The following MAP2K5 variants were observed in gnomAD, a reference collection of about 807,000 sequenced individuals.
The protein encoded by MAP2K5 is dual specificity mitogen-activated protein kinase kinase 5.
Under a neutral mutation model 83.1 loss-of-function variants are expected in MAP2K5, and 49 were observed. The observed-to-expected ratio is 0.59, with a 90% CI of 0.47 to 0.75. The LOEUF is 0.75. MAP2K5 is among the 30% of genes least tolerant of loss of function. The probability of loss-of-function intolerance (pLI) is 0.00; values close to 1 mark genes in which losing one functional copy is unlikely to be tolerated. For synonymous variants in MAP2K5, 202 were observed against 191.8 expected (o/e 1.05, Z -0.44); for missense variants, 457 against 557.5 (o/e 0.82, Z 1.82).
chr15:67,628,501 TA>T (rs895802089), intron 8 of MAP2K5: 21 of 694,098 alleles, frequency 3.0e-5, no homozygotes, highest in South Asian at 6.8e-5. Context: ...AAATAAAAAA[TA>T]AAAAAAAGAC....
intron 8 of MAP2K5, among the ~76,000 whole-genome samples, chr15:67,610,608 G>A (rs369934366): frequency 1.3e-5 from 2 of 151,292 alleles, no homozygotes; most frequent in South Asian, 2.1e-4. Flanking sequence ...TTCTGCCACA[G>A]TTTTTTTTTC....
At chr15:67,630,536 A>G (rs1596683865) in intron 8 of MAP2K5, among the ~76,000 whole-genome samples, 1 of 152,232 alleles carries the variant, frequency 6.6e-6, no homozygotes, top group Admixed American at 6.5e-5. Context: ...AGTGACAGTC[A>G]TAAGGGATCT....
At chr15:67,576,951 C>T (rs55908993) in intron 3 of MAP2K5, among the ~76,000 whole-genome samples, 62,076 of 135,230 alleles carry the variant, frequency 0.46, 18,348 homozygotes, top group Non-Finnish European at 0.59. Flanking sequence ...TTTTTTGAGA[C>T]GGAGTCTCGC....
chr15:67,545,751 G>GA, intron 1 of MAP2K5, among the ~76,000 whole-genome samples: 1 of 151,838 alleles, frequency 6.6e-6, no homozygotes, highest in Non-Finnish European at 1.5e-5. Flanking sequence ...CTTTATTTGT[G>GA]AAAAAAAAGT....
rs1334717850 is a variant in MAP2K5, at chr15:67,573,935, C to T, written c.253-6819C>T. Among the ~76,000 whole-genome samples the T allele has an allele frequency of 1.3e-5, 2 of 152,168 alleles. No homozygotes were observed. The highest frequency in any genetic ancestry group is 1.3e-4 in the Admixed American group (2 of 15,278). On this transcript the variant is annotated intron_variant, in intron 3 of 21. Transcript: ENST00000178640. This position sits in a 1 kb window ranked among gnomAD's most constrained non-coding sequence, Gnocchi z 4.2. ...ATTTTACATATAAACAAACATTGTA[C>T]ATAAGGTAGATGTGTTCCTCCTCTT...
At chr15:67,684,458 A>T (rs1567359112) in intron 13 of MAP2K5, among the ~76,000 whole-genome samples, 1 of 152,242 alleles carries the variant, frequency 6.6e-6, no homozygotes, top group African/African-American at 2.4e-5. Flanking sequence ...TGTTCAGCAG[A>T]TATATTACTT....
chr15:67,708,723 C>A lies in MAP2K5; in HGVS notation c.1044+5315C>A, dbSNP rs2088618650. On this transcript the variant is annotated intron_variant, in intron 16 of 21. Transcript: ENST00000178640. The surrounding 1 kb of genome is among the most constrained non-coding windows in gnomAD (Gnocchi z 4.9). Reference sequence around the variant, plus strand: ...TGCCTTGTTAATATGCTGTCACAGCCCCCATGGGGAGTCATAAAAAGGCCT... The same window carrying A: ...TGCCTTGTTAATATGCTGTCACAGCACCCATGGGGAGTCATAAAAAGGCCT... Among the ~76,000 whole-genome samples the A allele has an allele frequency of 1.3e-5, 2 of 151,724 alleles. No homozygotes were observed. The highest frequency in any genetic ancestry group is 2.9e-5 in the Non-Finnish European group (2 of 67,936).
intron 13 of MAP2K5, among the ~76,000 whole-genome samples, chr15:67,680,200 C>G (rs150981469): frequency 6.6e-6 from 1 of 152,220 alleles, no homozygotes; most frequent in African/African-American, 2.4e-5. Flanking sequence ...ATGGATATAT[C>G]ACATTTTGTC....
At chr15:67,687,051 G>C (rs1489701996) in intron 13 of MAP2K5, among the ~76,000 whole-genome samples, 1 of 152,144 alleles carries the variant, frequency 6.6e-6, no homozygotes, top group Non-Finnish European at 1.5e-5. Flanking sequence ...GTGGTTGCAT[G>C]GATGTAGACA....
intron 8 of MAP2K5, among the ~76,000 whole-genome samples, chr15:67,622,102 G>A (rs904647343): frequency 2.8e-5 from 4 of 142,622 alleles, no homozygotes; most frequent in Non-Finnish European, 6.0e-5. Flanking sequence ...CCGAGATCAC[G>A]CCACTGCACT....
At chr15:67,663,644 A>G (rs1453862753) in intron 12 of MAP2K5, among the ~76,000 whole-genome samples, 1 of 152,142 alleles carries the variant, frequency 6.6e-6, no homozygotes, top group East Asian at 1.9e-4. Context: ...AGGCCGAGGC[A>G]GGAGGATCCC....
Position 67,550,111 on chromosome 15 carries a change from T to C in MAP2K5, c.184+29T>C, listed in dbSNP as rs377510468. The C allele has an allele frequency of 4.1e-5, 66 of 1,599,390 alleles. No individual in the cohort carries two copies. The African/African-American group carries it at 7.8e-4, about 19-fold the overall frequency. On this transcript the variant is annotated intron_variant, in intron 2 of 21. Coordinates refer to ENST00000178640, the MANE Select transcript of MAP2K5 (RefSeq NM_145160.3). ...AGTCTGGCTTGTATACTTTCTTGAC[T>C]ATTCCTTTCTGCAGTCATTTTTTAA... is the stretch of plus-strand genomic sequence containing the variant.
At chr15:67,688,919 G>A (rs1345446441) in intron 13 of MAP2K5, among the ~76,000 whole-genome samples, 1 of 152,014 alleles carries the variant, frequency 6.6e-6, no homozygotes, top group East Asian at 1.9e-4. Context: ...CTGGTAAAGG[G>A]GACATTTATA....
rs2087448131 is a variant in MAP2K5 at position 67,668,672 on chromosome 15, A to T, written c.847+4027A>T. ...AACACCTATGCCATTTCTTGGGAAG[A>T]TGTGAGAATGCCCTGGTAGTAACTG... On this transcript the variant is annotated intron_variant, in intron 13 of 21. Coordinates refer to ENST00000178640, the MANE Select transcript of MAP2K5 (RefSeq NM_145160.3). This position sits in a 1 kb window ranked among gnomAD's most constrained non-coding sequence, Gnocchi z 4.0. Among the ~76,000 whole-genome samples, 1 of 152,184 alleles carries T rather than the reference A, an allele frequency of 6.6e-6. No individual in the cohort carries two copies. Among genetic ancestry groups the T allele is most frequent in the African/African-American group, 2.4e-5 (1 of 41,452 alleles).
At chr15:67,548,678 C>T (rs1315195871) in intron 1 of MAP2K5, among the ~76,000 whole-genome samples, 1 of 152,158 alleles carries the variant, frequency 6.6e-6, no homozygotes, top group African/African-American at 2.4e-5. Context: ...ACTGGATTGC[C>T]TGTGTGCTTT....
At chr15:67,671,960 G>A (rs8029631) in intron 13 of MAP2K5, among the ~76,000 whole-genome samples, 151,661 of 151,684 alleles carry the variant, frequency 1, 75,819 homozygotes, top group Middle Eastern at 1. Context: ...ATGATTTCCA[G>A]TTTCATCCAT....
intron 13 of MAP2K5, among the ~76,000 whole-genome samples, chr15:67,674,765 A>C (rs1240037587): frequency 6.6e-6 from 1 of 152,232 alleles, no homozygotes; most frequent in Non-Finnish European, 1.5e-5. Flanking sequence ...GTAGAAAAAC[A>C]AACAATCCAA....
chr15:67,725,160 C>G (rs1187778185), intron 16 of MAP2K5, among the ~76,000 whole-genome samples: 1 of 152,192 alleles, frequency 6.6e-6, no homozygotes, highest in Non-Finnish European at 1.5e-5. Context: ...TCCCAGCTGA[C>G]CAAACTGCAC....
intron 7 of MAP2K5, among the ~76,000 whole-genome samples, chr15:67,600,200 A>G (rs1165451767): frequency 1.3e-5 from 2 of 152,218 alleles, no homozygotes; most frequent in African/African-American, 2.4e-5. Context: ...TAGGAAAATC[A>G]TAAACATTAT....
Sources: allele counts gnomAD v4.1 joint callset (sites outside exome capture counted in the v4.1 genomes callset), GRCh38; gene constraint gnomAD v4.1.1; non-coding constraint Gnocchi (gnomAD v3.1); transcripts MANE v1.5; gene names NCBI Gene and HGNC (gene_info 2026-07-23, HGNC 2026-07-21).